The following VMP1 variants were observed in gnomAD, a reference collection of about 807,000 sequenced individuals.
VMP1 encodes ectopic P-granules autophagy protein 3 homolog.
VMP1 carries 11 observed loss-of-function variants against 56.0 expected under a neutral mutation model. The ratio of observed to expected loss-of-function variants is 0.20; its 90% CI spans 0.12 to 0.32. VMP1 has a LOEUF of 0.32. VMP1 is among the 10% of genes least tolerant of loss of function. VMP1 has a pLI of 1.00. For missense variants in VMP1, 296 were observed against 490.3 expected (o/e 0.60, Z 3.74); for synonymous variants, 149 against 165.0 (o/e 0.90, Z 0.74).
At chr17:59,744,424 T>C (rs2035343505) in intron 5 of VMP1, among the ~76,000 whole-genome samples, 1 of 134,614 alleles carries the variant, frequency 7.4e-6, no homozygotes, top group Admixed American at 8.5e-5. Flanking sequence ...ATTCCACCAC[T>C]GCACCCCGGC....
chr17:59,806,005 T>C (rs1460718722), intron 7 of VMP1, among the ~76,000 whole-genome samples: 1 of 152,164 alleles, frequency 6.6e-6, no homozygotes, highest in Non-Finnish European at 1.5e-5. Context: ...TTTTATATAT[T>C]TAATTCTTGT....
intron 7 of VMP1, among the ~76,000 whole-genome samples, chr17:59,788,107 G>A (rs541896776): frequency 6.6e-6 from 1 of 152,170 alleles, no homozygotes; most frequent in African/African-American, 2.4e-5. Flanking sequence ...ATGAAAATAC[G>A]AGGTTAATGC....
chr17:59,827,113 A>C (rs912774673), intron 10 of VMP1, among the ~76,000 whole-genome samples: 4 of 152,066 alleles, frequency 2.6e-5, no homozygotes, highest in African/African-American at 9.7e-5. Context: ...GACAGAGATC[A>C]TAACTTTTTT....
intron 5 of VMP1, among the ~76,000 whole-genome samples, chr17:59,756,013 A>G (rs1351415611): frequency 6.6e-6 from 1 of 152,154 alleles, no homozygotes; most frequent in Non-Finnish European, 1.5e-5. Flanking sequence ...TTAGGATTTC[A>G]AGCATGAGAC....
At chr17:59,754,465 G>C (rs2035764205) in intron 5 of VMP1, among the ~76,000 whole-genome samples, 1 of 152,194 alleles carries the variant, frequency 6.6e-6, no homozygotes, top group African/African-American at 2.4e-5. Context: ...ATACCATAAA[G>C]TGGAATCATT....
At chr17:59,822,255 A>ATTATC (rs981751767) in intron 10 of VMP1, among the ~76,000 whole-genome samples, 1 of 150,758 alleles carries the variant, frequency 6.6e-6, no homozygotes, top group Non-Finnish European at 1.5e-5. Context: ...CATTAATAAC[A>ATTATC]TTATCTTTTA....
chr17:59,835,755 G>T (rs2038961290), intron 10 of VMP1, among the ~76,000 whole-genome samples: 1 of 150,826 alleles, frequency 6.6e-6, no homozygotes, highest in Admixed American at 6.6e-5. Flanking sequence ...CTCCCAAAGT[G>T]CTGGGATTAC....
At chr17:59,772,950 C>CTTTTTTTTTTTTTTTTTTTGT (rs2036482464) in intron 6 of VMP1, among the ~76,000 whole-genome samples, 1 of 55,676 alleles carries the variant, frequency 1.8e-5, no homozygotes, top group African/African-American at 7.8e-5. Context: ...CTGGTGAATT[C>CTTTTTTTTTTTTTTTTTTTGT]TTTTTTTTTT....
intron 1 of VMP1, among the ~76,000 whole-genome samples, chr17:59,727,318 T>C (rs1470080184): frequency 6.6e-6 from 1 of 151,922 alleles, no homozygotes; most frequent in Non-Finnish European, 1.5e-5. Context: ...GTATTTTTAG[T>C]AGAGACAGGC....
At chr17:59,775,305 C>T (rs756804263) in intron 7 of VMP1, among the ~76,000 whole-genome samples, 73 of 151,922 alleles carry the variant, frequency 4.8e-4, no homozygotes, top group Non-Finnish European at 9.0e-4. Context: ...GTCCTAGCTA[C>T]TTGGGAGGCT....
At chr17:59,830,406 A>AAT (rs1236164477) in intron 10 of VMP1, among the ~76,000 whole-genome samples, 1 of 152,238 alleles carries the variant, frequency 6.6e-6, no homozygotes, top group African/African-American at 2.4e-5. Flanking sequence ...CTCCTGAAAA[A>AAT]TTTTTTTTTT....
chr17:59,725,605 C>T lies in VMP1; in HGVS notation c.-26-5816C>T, dbSNP rs77629855. ...TTTTATAAGCTTAACTGTTTAGAACCTCAGTGGCTCTCTTGTTTGGCCTTA... is the reference window on the plus strand; with the variant it reads ...TTTTATAAGCTTAACTGTTTAGAACTTCAGTGGCTCTCTTGTTTGGCCTTA... On this transcript the variant is annotated intron_variant, in intron 1 of 11. Coordinates refer to ENST00000262291, the MANE Select transcript of VMP1 (RefSeq NM_030938.5). 0.021 allele frequency among the ~76,000 whole-genome samples: 3,135 copies of T among 150,508 alleles called. 424 individuals carry two copies. In the East Asian group the frequency reaches 0.38, roughly 18 times the overall value.
At chr17:59,794,559 A>G (rs1053888524) in intron 7 of VMP1, among the ~76,000 whole-genome samples, 1 of 117,372 alleles carries the variant, frequency 8.5e-6, no homozygotes, top group Admixed American at 1.1e-4. Context: ...TTTAACGAAA[A>G]TCTAAGTAGG....
At chr17:59,755,088 A>G (rs764891637) in intron 5 of VMP1, among the ~76,000 whole-genome samples, 21 of 149,226 alleles carry the variant, frequency 1.4e-4, no homozygotes, top group Non-Finnish European at 3.0e-4. Context: ...ACAAAGGTGA[A>G]ACATGCCTTC....
At chr17:59,758,929 A>G (rs1041925339) in intron 5 of VMP1, among the ~76,000 whole-genome samples, 1 of 152,032 alleles carries the variant, frequency 6.6e-6, no homozygotes, top group African/African-American at 2.4e-5. Context: ...CCCCACCTCT[A>G]CAAAAAATTA....
At chr17:59,740,540 C>T (rs116151982) in intron 5 of VMP1, among the ~76,000 whole-genome samples, 83 of 152,208 alleles carry the variant, frequency 5.5e-4, no homozygotes, top group African/African-American at 1.9e-3. Context: ...AATGATCTGA[C>T]GAATGCTTTG....
intron 1 of VMP1, among the ~76,000 whole-genome samples, chr17:59,724,596 C>T (rs531497538): frequency 2.0e-5 from 3 of 151,926 alleles, no homozygotes; most frequent in Non-Finnish European, 2.9e-5. Context: ...TGTTTGAATC[C>T]GGGAGGCAGA....
chr17:59,776,561 C>T (rs2036623918), intron 7 of VMP1, among the ~76,000 whole-genome samples: 1 of 152,122 alleles, frequency 6.6e-6, no homozygotes, highest in Admixed American at 6.5e-5. Context: ...ATTCTTCTAA[C>T]TTTATAGAAA....
intron 6 of VMP1, among the ~76,000 whole-genome samples, chr17:59,766,648 G>A (rs2036241572): frequency 6.6e-6 from 1 of 152,132 alleles, no homozygotes; most frequent in Non-Finnish European, 1.5e-5. Flanking sequence ...ATCGTATATG[G>A]CAATTTTACT....
Sources: gnomAD v4.1 joint callset for allele counts (sites outside exome capture counted in the v4.1 genomes callset) on GRCh38, gnomAD v4.1.1 for gene constraint, MANE v1.5 for transcripts, NCBI Gene and HGNC (gene_info 2026-07-23, HGNC 2026-07-21) for gene names.